The following DYTN variants were observed in gnomAD, a reference collection of about 807,000 sequenced individuals.
DYTN encodes the protein dystrotelin.
Under a neutral mutation model 69.6 loss-of-function variants are expected in DYTN, and 75 were observed. The observed-to-expected ratio is 1.08, with a 90% CI of 0.89 to 1.31. The LOEUF is 1.31. DYTN is among the 50% of genes most tolerant of loss of function. The probability of loss-of-function intolerance (pLI) is 0.00; values close to 1 mark genes in which losing one functional copy is unlikely to be tolerated. For missense variants in DYTN, 726 were observed against 688.4 expected, an observed-to-expected ratio of 1.05 and a Z score of -0.61; for synonymous variants, 252 against 249.1, an observed-to-expected ratio of 1.01 and a Z score of -0.11.
At position 206,666,520 on chromosome 2, in the gene DYTN, A is replaced by T. The variant is rs577144902; in HGVS notation, c.981-491T>A. Among the ~76,000 whole-genome samples the T allele has an allele frequency of 4.0e-4, 61 of 152,266 alleles. 1 individual carries two copies. The highest frequency in any genetic ancestry group is 3.5e-3 in the Admixed American group (54 of 15,294). On this transcript the variant is annotated intron_variant, in intron 9 of 11. Coordinates refer to ENST00000452335, the MANE Select transcript of DYTN (RefSeq NM_001093730.1). ...TCCCTCTACTGGCTACTTAAATAGGAATATTGACTTTATACACTATCCTTT... is the reference window on the plus strand; with the variant it reads ...TCCCTCTACTGGCTACTTAAATAGGTATATTGACTTTATACACTATCCTTT...
chr2:206,692,734 A>T (rs1699877936), intron 9 of DYTN, among the ~76,000 whole-genome samples: 1 of 152,038 alleles, frequency 6.6e-6, no homozygotes, highest in Admixed American at 6.6e-5. Context: ...GTTTTGGTTA[A>T]TCTCTGTTTC....
chr2:206,657,203 A>G (rs1699460223), intron 11 of DYTN, among the ~76,000 whole-genome samples: 1 of 152,158 alleles, frequency 6.6e-6, no homozygotes, highest in African/African-American at 2.4e-5. Context: ...AACCTCAAAC[A>G]CCAAGGCTCA....
In DYTN at chr2:206,663,259, G is replaced by C. The variant is rs1699533094; in HGVS notation, c.1277C>G (p.Thr426Arg). 1.2e-6 allele frequency: 2 copies of C among 1,613,872 alleles called. No individual in the cohort carries two copies. Among genetic ancestry groups the C allele is most frequent in the East Asian group, 2.2e-5 (1 of 44,878 alleles). Residue 426 changes from threonine (T) to arginine (R), a missense_variant, in exon 11 of 12, where the codon ACA (threonine) becomes AGA (arginine). Physicochemically the swap from Thr to Arg is moderately conservative, Grantham distance 71. Transcript: ENST00000452335. ...ATCAAGCTTAGGAAGAGGTTCCCCT[G>C]TTGAAGCATCTTCAGTGGCATTCTT... ...QIKNATEDAS[T>R]GEPLPKLDEV... is the part of the protein sequence containing the mutation.
intron 9 of DYTN, among the ~76,000 whole-genome samples, chr2:206,677,935 A>G (rs1699708044): frequency 6.6e-6 from 1 of 152,122 alleles, no homozygotes; most frequent in African/African-American, 2.4e-5. Flanking sequence ...GGTTGCAGTG[A>G]GCCAAGATAG....
intron 11 of DYTN, among the ~76,000 whole-genome samples, chr2:206,658,758 T>A (rs1330531419): frequency 6.6e-6 from 1 of 152,202 alleles, no homozygotes; most frequent in East Asian, 1.9e-4. Flanking sequence ...CTATGATAAG[T>A]GTTTTCATGC....
In DYTN at chr2:206,704,732, A is replaced by C. The variant is rs938423517; in HGVS notation, c.483+111T>G. The C allele has an allele frequency of 1.5e-4, 132 of 885,046 alleles. 1 individual carries two copies. The highest frequency in any genetic ancestry group is 1.1e-3 in the South Asian group (64 of 59,182). 54.8% of individuals were successfully genotyped at this position (885,046 alleles called of 1,614,324 possible). Reference sequence around the variant, plus strand: ...AATGGCTATGGAGGAGAGAGCTTGCATGGAGTTATATATAAAGATAGACTT... The same window carrying C: ...AATGGCTATGGAGGAGAGAGCTTGCCTGGAGTTATATATAAAGATAGACTT... On this transcript the variant is annotated intron_variant, in intron 5 of 11. Transcript: ENST00000452335.
At position 206,673,848 on chromosome 2, in the gene DYTN, G is replaced by C. The variant is rs144754232; in HGVS notation, c.981-7819C>G. ...GTGGTTAGAATTGCCCATTCTTTTG[G>C]GACAACAGATTAAAGAAAATTCATG... On this transcript the variant is annotated intron_variant, in intron 9 of 11. Coordinates refer to ENST00000452335, the MANE Select transcript of DYTN (RefSeq NM_001093730.1). Among the ~76,000 whole-genome samples, 174 of 152,144 alleles carry C rather than the reference G, an allele frequency of 1.1e-3. 2 individuals are homozygous for C. Among genetic ancestry groups the C allele is most frequent in the African/African-American group, 4.1e-3 (172 of 41,484 alleles).
chr2:206,683,637 C>A (rs769692533), intron 9 of DYTN, among the ~76,000 whole-genome samples: 3 of 152,070 alleles, frequency 2.0e-5, no homozygotes, highest in Admixed American at 2.0e-4. Context: ...AGCCACCGCG[C>A]CCTGCCTTAT....
intron 9 of DYTN, among the ~76,000 whole-genome samples, chr2:206,690,145 G>A (rs113103638): frequency 2.6e-5 from 4 of 152,198 alleles, no homozygotes; most frequent in African/African-American, 7.2e-5. Context: ...TGGTTGTCAG[G>A]AAAGGCCTTC....
At chr2:206,712,727 G>A (rs75725647) in intron 1 of DYTN, among the ~76,000 whole-genome samples, 21,394 of 152,134 alleles carry the variant, frequency 0.14, 1,603 homozygotes, top group East Asian at 0.31. Context: ...CCTAATCTGA[G>A]TCCATGAAAT....
intron 7 of DYTN, among the ~76,000 whole-genome samples, chr2:206,695,434 A>T (rs1699909852): frequency 6.6e-6 from 1 of 152,202 alleles, no homozygotes; most frequent in African/African-American, 2.4e-5. Flanking sequence ...TGTATGTAGG[A>T]AAGATATAAA....
At chr2:206,694,605 G>A (rs923611958) in intron 8 of DYTN, among the ~76,000 whole-genome samples, 161 bp downstream of exon 8, 4 of 152,138 alleles carry the variant, frequency 2.6e-5, no homozygotes, top group Non-Finnish European at 5.9e-5. Flanking sequence ...TACTTACGTT[G>A]GGAGATATTC....
At chr2:206,711,744 C>T (rs1700080358) in intron 1 of DYTN, among the ~76,000 whole-genome samples, 1 of 150,798 alleles carries the variant, frequency 6.6e-6, no homozygotes, top group African/African-American at 2.4e-5. Context: ...CTTCCCCCCA[C>T]CCCACAACAG....
At chr2:206,707,961 G>A (rs1195132925) in intron 2 of DYTN, among the ~76,000 whole-genome samples, 1 of 152,152 alleles carries the variant, frequency 6.6e-6, no homozygotes, top group Non-Finnish European at 1.5e-5. Context: ...AAGCAATATG[G>A]TGTGTTGAAA....
chr2:206,658,605 T>C (rs928249523), intron 11 of DYTN, among the ~76,000 whole-genome samples: 40 of 152,140 alleles, frequency 2.6e-4, no homozygotes, highest in African/African-American at 9.2e-4. Context: ...TGAGACAGGT[T>C]AGACAGAAGC....
At chr2:206,657,715 CA>C (rs1699465637) in intron 11 of DYTN, among the ~76,000 whole-genome samples, 1 of 152,114 alleles carries the variant, frequency 6.6e-6, no homozygotes. Flanking sequence ...ATTTCTGATG[CA>C]AAAACTGTTA....
intron 9 of DYTN, among the ~76,000 whole-genome samples, chr2:206,682,530 C>T (rs1254312646): frequency 6.6e-6 from 1 of 152,022 alleles, no homozygotes; most frequent in Admixed American, 6.6e-5. Flanking sequence ...TTCTTTTCTG[C>T]AGCTTTGTAA....
At chr2:206,678,050 A>G (rs1464403314) in intron 9 of DYTN, among the ~76,000 whole-genome samples, 5 of 152,232 alleles carry the variant, frequency 3.3e-5, no homozygotes, top group African/African-American at 9.6e-5. Flanking sequence ...AAGTCAAATT[A>G]TCAATAAGAC....
intron 9 of DYTN, among the ~76,000 whole-genome samples, chr2:206,673,118 T>G (rs1699646524): frequency 6.6e-6 from 1 of 152,182 alleles, no homozygotes; most frequent in African/African-American, 2.4e-5. Context: ...GTGTGTGTTG[T>G]TTCCCTCTAT....
Sources: allele counts gnomAD v4.1 joint callset (sites outside exome capture counted in the v4.1 genomes callset), GRCh38; gene constraint gnomAD v4.1.1; transcripts MANE v1.5; gene names NCBI Gene and HGNC (gene_info 2026-07-23, HGNC 2026-07-21).